PEX5: variants seen among roughly 807,000 people sequenced by gnomAD.
PEX5 encodes peroxisomal biogenesis factor 5.
Under a neutral mutation model 82.9 loss-of-function variants are expected in PEX5, and 52 were observed. That is an observed-to-expected ratio of 0.63 (90% confidence interval 0.50 to 0.79). The LOEUF (loss-of-function observed/expected upper bound fraction) is 0.79, where lower values mean the gene tolerates loss of function less well. Among genes scored for constraint, PEX5 ranks in the 30% least tolerant of loss-of-function variants. PEX5 has a pLI of 0.00. For missense variants in PEX5, 719 were observed against 815.2 expected (o/e 0.88, Z 1.44); for synonymous variants, 300 against 318.8 (o/e 0.94, Z 0.63).
chr12:7,193,851 A>T (rs1340942128), intron 5 of PEX5, among the ~76,000 whole-genome samples: 1 of 152,256 alleles, frequency 6.6e-6, no homozygotes, highest in Non-Finnish European at 1.5e-5. Context: ...AAATGCTCTT[A>T]GTAGAGCTCT....
rs1352295136 is a variant in PEX5, at chr12:7,208,582, A to G, written c.1307A>G (p.Tyr436Cys). ...LRDWLRYTPA[Y>C]AHLVTPAEEG... ...GACTGGCTGCGGTACACACCAGCCT[A>G]TGCCCATCTGGTGACACCTGCTGAA... Residue 436 changes from tyrosine to cysteine, a missense_variant, in exon 13 of 16, where the codon TAT (tyrosine) becomes TGT (cysteine). Tyr to Cys is a radical substitution (Grantham distance 194). Transcript: ENST00000675855. 3 of 1,613,948 alleles carry G rather than the reference A, an allele frequency of 1.9e-6. No homozygotes were observed. The highest frequency in any genetic ancestry group is 1.3e-5 in the African/African-American group (1 of 75,038).
chr12:7,188,749 C>T (rs150014370), upstream of PEX5: 1,331 of 152,622 alleles, frequency 8.7e-3, 16 homozygotes, highest in Non-Finnish European at 0.015. Context: ...CATTTACCGG[C>T]AGCCCTGGGC....
Position 7,202,307 on chromosome 12 carries a change from C to T in PEX5, c.709C>T (p.Arg237Ter), listed in dbSNP as rs777733574. 22 of 1,613,942 alleles carry T rather than the reference C, an allele frequency of 1.4e-5. No individual in the cohort carries two copies. The highest frequency in any genetic ancestry group is 2.2e-5 in the East Asian group (1 of 44,864). ...CCTGGAGTCCGGTGCAGGGTCGGGCCGAGCTCAGGCAGAACAGTGGGCAGC... is the reference window on the plus strand; with the variant it reads ...CCTGGAGTCCGGTGCAGGGTCGGGCTGAGCTCAGGCAGAACAGTGGGCAGC... ...VSLESGAGSG[R>*]AQAEQWAAEF... The change falls in exon 8 of 16, where the codon CGA becomes TGA. Residue 237 changes from arginine to a stop codon, truncating the protein, a stop_gained. Transcript: ENST00000675855. LOFTEE classifies it high-confidence loss of function.
chr12:7,210,056 A>C lies in PEX5; in HGVS notation c.1753A>C (p.Met585Leu). 6.2e-7 allele frequency: 1 copy of C among 1,614,224 alleles called. No homozygotes were observed. Among genetic ancestry groups the C allele is most frequent in the Non-Finnish European group, 8.5e-7 (1 of 1,180,036 alleles). Residue 585 changes from methionine (M) to leucine (L), a missense_variant, in exon 16 of 16, where the codon ATG becomes CTG. Physicochemically the swap from Met to Leu is conservative, Grantham distance 15. Transcript: ENST00000675855. ...GGAGCACTTTCTGGAGGCCCTGAAC[A>C]TGCAGAGGAAAAGCCGGGGCCCCCG... ...AVEHFLEALN[M>L]QRKSRGPRGE...
rs900438548 is a variant in PEX5 at position 7,202,144 on chromosome 12, CAG to C, written c.643-96_643-95del. ...TATCTTGTCTGCAGCTAGAGATGGT[CAG>C]GGGAGGGGTGAGTACAGGGTCCTCT... On this transcript the variant is annotated intron_variant, in intron 7 of 15. Coordinates refer to ENST00000675855, the MANE Select transcript of PEX5 (RefSeq NM_001351132.2). 5 of 1,580,438 alleles carry C rather than the reference CAG, an allele frequency of 3.2e-6. No individual in the cohort carries two copies. In the African/African-American group the frequency reaches 5.4e-5, roughly 17 times the overall value.
chr12:7,208,018 G>C lies in PEX5; in HGVS notation c.1119G>C (p.Gln373His), dbSNP rs369840046. 1 of 1,613,370 alleles carries C rather than the reference G, an allele frequency of 6.2e-7. No homozygotes were observed. The highest frequency in any genetic ancestry group is 1.3e-5 in the African/African-American group (1 of 75,026). The change falls in exon 12 of 16, where the codon CAG (glutamine) becomes CAC (histidine). Residue 373 changes from glutamine (Q) to histidine (H), a missense_variant. Transcript: ENST00000675855. The part of the protein sequence containing the change: ...QQDPKHMEAW[Q>H]YLGTTQAENE... ...TGTCAACTTCCCTCTAGGCTTGGCA[G>C]TATCTGGGTACCACCCAGGCAGAGA...
Position 7,202,607 on chromosome 12 carries a change from C to A in PEX5, c.754-5C>A. The A allele has an allele frequency of 6.2e-7, 1 of 1,612,876 alleles. No homozygotes were observed. The highest frequency in any genetic ancestry group is 8.5e-7 in the Non-Finnish European group (1 of 1,179,032). On this transcript the variant is annotated splice_region_variant and splice_polypyrimidine_tract_variant and intron_variant, in intron 8 of 15. Coordinates refer to ENST00000675855, the MANE Select transcript of PEX5 (RefSeq NM_001351132.2). The stretch of plus-strand genomic sequence containing the variant: ...AGTGGTACTGACCATCCTTTTTTGT[C>A]GCAGGGTACATCAGATGCCTGGGTT...
At chr12:7,201,588 C>T in intron 6 of PEX5, 163 bp from the exon 7 acceptor site, 1 of 693,562 alleles carries the variant, frequency 1.4e-6, no homozygotes. Flanking sequence ...TTTCACACTC[C>T]TGCCCAAATG....
chr12:7,195,805 A>G (rs895185570), intron 5 of PEX5, among the ~76,000 whole-genome samples: 2 of 151,172 alleles, frequency 1.3e-5, no homozygotes, highest in Non-Finnish European at 3.0e-5. Context: ...CTAAGAATGG[A>G]ACTAAGGAAC....
intron 10 of PEX5, 41 bp from the exon 11 acceptor site, chr12:7,207,618 G>A: frequency 6.2e-7 from 1 of 1,609,402 alleles, no homozygotes; most frequent in Non-Finnish European, 8.5e-7. Flanking sequence ...TGTTCTGACG[G>A]TGCCACCTCT....
At chr12:7,191,503 G>T in intron 4 of PEX5, 66 bp from the exon 5 acceptor site, 6 of 1,603,418 alleles carry the variant, frequency 3.7e-6, no homozygotes, top group Non-Finnish European at 4.3e-6. Context: ...TGGATTCAGG[G>T]TTCTTTAGGC....
chr12:7,216,835 A>C (rs1057303724), intron 17 of PEX5, among the ~76,000 whole-genome samples: 1 of 152,210 alleles, frequency 6.6e-6, no homozygotes, highest in Non-Finnish European at 1.5e-5. Flanking sequence ...CCCTGAAGTC[A>C]TTAAACCAAA....
At chr12:7,200,210 C>T (rs199513868) in intron 6 of PEX5, among the ~76,000 whole-genome samples, 49,733 of 121,384 alleles carry the variant, frequency 0.41, 13,011 homozygotes, top group Admixed American at 0.6. Flanking sequence ...ACCTCCCAGA[C>T]GGGGTCGCGG....
intron 2 of PEX5, 171 bp downstream of exon 2, chr12:7,190,695 T>C (rs1056333227): frequency 1.4e-6 from 2 of 1,439,554 alleles, no homozygotes; most frequent in African/African-American, 1.4e-5. Flanking sequence ...TATAACTGCT[T>C]TCTCTATTGT....
intron 6 of PEX5, among the ~76,000 whole-genome samples, chr12:7,199,595 T>C (rs1160833421): frequency 6.6e-6 from 1 of 151,374 alleles, no homozygotes; most frequent in Non-Finnish European, 1.5e-5. Flanking sequence ...AAGTCTCCCA[T>C]GTCTACTTCT....
chr12:7,212,311 G>C (rs1304396355), downstream of PEX5, among the ~76,000 whole-genome samples: 2 of 151,612 alleles, frequency 1.3e-5, no homozygotes, highest in African/African-American at 2.4e-5. Context: ...TTTTCAAATA[G>C]AGACTAGATC....
intron 1 of PEX5, chr12:7,190,009 C>G (rs1591638249): frequency 6.6e-7 from 1 of 1,504,134 alleles, no homozygotes; most frequent in Non-Finnish European, 8.8e-7. Context: ...CCCACTGTCC[C>G]TTCTTCGGGC....
chr12:7,193,034 G>A (rs918577473), intron 5 of PEX5, among the ~76,000 whole-genome samples: 1 of 152,126 alleles, frequency 6.6e-6, no homozygotes, highest in Non-Finnish European at 1.5e-5. Flanking sequence ...AGAACAGTAG[G>A]TGCTCTTGGC....
At chr12:7,193,933 G>A (rs995220888) in intron 5 of PEX5, among the ~76,000 whole-genome samples, 8 of 152,212 alleles carry the variant, frequency 5.3e-5, no homozygotes, top group African/African-American at 1.9e-4. Flanking sequence ...CCTTAGAATG[G>A]GAGTTGAGCT....
Sources: gnomAD v4.1 joint callset for allele counts (sites outside exome capture counted in the v4.1 genomes callset) on GRCh38, gnomAD v4.1.1 for gene constraint, MANE v1.5 for transcripts, NCBI Gene and HGNC (gene_info 2026-07-23, HGNC 2026-07-21) for gene names.